AK3: variants seen among roughly 807,000 people sequenced by gnomAD.
AK3 encodes the protein adenylate kinase 3, also known as GTP:AMP phosphotransferase AK3, mitochondrial.
In AK3, 27 loss-of-function variants were observed where a neutral mutation model predicts 23.7. The ratio of observed to expected loss-of-function variants is 1.14; its 90% CI spans 0.84 to 1.57. AK3 has a LOEUF of 1.57. Ranked by LOEUF, AK3 falls within the 40% of genes most tolerant of loss-of-function variation. The pLI is 0.00. For synonymous variants in AK3, 159 were observed against 116.0 expected (o/e 1.37, Z -2.38); for missense variants, 406 against 285.6 (o/e 1.42, Z -3.04).
At chr9:4,740,804 G>T in intron 1 of AK3, 133 bp downstream of exon 1, 9 of 1,157,774 alleles carry the variant, frequency 7.8e-6, no homozygotes, top group Non-Finnish European at 9.1e-6. Flanking sequence ...GCAGCCCGAG[G>T]TCTCTGTCCC....
At chr9:4,722,226 C>A (rs895739134) in intron 2 of AK3, among the ~76,000 whole-genome samples, 3 of 152,182 alleles carry the variant, frequency 2.0e-5, no homozygotes, top group African/African-American at 7.2e-5. Context: ...GGTCTTGCTT[C>A]TTCTGTGGTG....
At chr9:4,722,684 C>A in intron 1 of AK3, 59 bp from the exon 2 acceptor site, 1 of 1,607,764 alleles carries the variant, frequency 6.2e-7, no homozygotes, top group Non-Finnish European at 8.5e-7. Context: ...ATTCCAGGCA[C>A]CTCGGAACGA....
chr9:4,719,016 G>C, intron 3 of AK3, 119 bp downstream of exon 3: 1 of 1,176,834 alleles, frequency 8.5e-7, no homozygotes, highest in Non-Finnish European at 1.2e-6. Context: ...CAAGTAACCT[G>C]AGAATATACC....
intron 4 of AK3, 90 bp downstream of exon 4, chr9:4,718,328 CA>C: frequency 1.1e-6 from 1 of 930,882 alleles, no homozygotes; most frequent in Admixed American, 1.8e-5. Flanking sequence ...GGTCTTTTGG[CA>C]TTTTAGCATT....
intron 2 of AK3, 74 bp downstream of exon 2, chr9:4,722,432 G>A: frequency 6.2e-7 from 1 of 1,603,278 alleles, no homozygotes; most frequent in Non-Finnish European, 8.5e-7. Flanking sequence ...TCTGTCTGAA[G>A]CCCATGAAAT....
intron 1 of AK3, among the ~76,000 whole-genome samples, chr9:4,723,222 T>C (rs78364479): frequency 0.063 from 9,537 of 152,296 alleles, 949 homozygotes; most frequent in African/African-American, 0.22. Flanking sequence ...GTGATAGAAT[T>C]GAGTGGTTTT....
chr9:4,723,843 A>C (rs1266303923), intron 1 of AK3, among the ~76,000 whole-genome samples: 1 of 152,142 alleles, frequency 6.6e-6, no homozygotes, highest in Non-Finnish European at 1.5e-5. Flanking sequence ...TTTTGCTTTT[A>C]TTTTACTCCT....
Position 4,711,358 on chromosome 9 carries a change from A to C in AK3, c.*1618T>G, listed in dbSNP as rs1353155510. The C allele has an allele frequency of 7.4e-6, 1 of 135,076 alleles. No homozygotes were observed. The highest frequency in any genetic ancestry group is 1.7e-5 in the Non-Finnish European group (1 of 60,186). 8.4% of individuals were successfully genotyped at this position (135,076 alleles called of 1,614,324 possible). A position where few individuals can be genotyped will look rare whatever the true frequency, so the allele number is the denominator to read the frequency against. ...ATAATCCATAAGTTTGGTATTTCAC[A>C]ACATTTTTTAGAAAGCACATAAGAT... On this transcript the variant is annotated 3_prime_UTR_variant, in exon 5 of 5. Transcript: ENST00000381809.
chr9:4,725,356 C>T lies in AK3; in HGVS notation c.152-2731G>A, dbSNP rs938680331. On this transcript the variant is annotated intron_variant, in intron 1 of 4. Transcript: ENST00000381809. Reference sequence around the variant, plus strand: ...AGAAAACACAGGTATAAATCTTCATCACTATGCATTAGGCAATGGTTTCTA... The same window carrying T: ...AGAAAACACAGGTATAAATCTTCATTACTATGCATTAGGCAATGGTTTCTA... 3.9e-5 allele frequency among the ~76,000 whole-genome samples: 6 copies of T among 151,964 alleles called. No individual in the cohort carries two copies. The South Asian group carries it at 6.2e-4, about 16-fold the overall frequency.
chr9:4,717,039 C>G (rs575969846), intron 4 of AK3, among the ~76,000 whole-genome samples: 14 of 152,340 alleles, frequency 9.2e-5, no homozygotes, highest in African/African-American at 3.4e-4. Context: ...ATAGTGCTTT[C>G]TATGCGTCAG....
At chr9:4,718,335 G>T in intron 4 of AK3, 84 bp downstream of exon 4, 1 of 987,060 alleles carries the variant, frequency 1.0e-6, no homozygotes, top group Non-Finnish European at 1.6e-6. Flanking sequence ...TGGCATTTTA[G>T]CATTTCAGCT....
rs1449119747 is a variant in AK3 at position 4,722,510 on chromosome 9, C to T, written c.267G>A (p.Leu89=). The change falls in exon 2 of 5, where the codon TTG becomes TTA. Residue 89 remains leucine, a synonymous_variant. Transcript: ENST00000381809. ...TGCTCATGAGACTCCACTTACCATC[C>T]AACAGCCAGCTATACTGGGTGAGAT... ...LKNLTQYSWL[L]DGFPRTLPQA... is the part of the protein sequence containing the mutation. 3 of 1,613,980 alleles carry T rather than the reference C, an allele frequency of 1.9e-6. No individual in the cohort carries two copies. The highest frequency in any genetic ancestry group is 2.7e-5 in the African/African-American group (2 of 74,908).
At chr9:4,734,158 A>C (rs1313197529) in intron 1 of AK3, among the ~76,000 whole-genome samples, 1 of 152,176 alleles carries the variant, frequency 6.6e-6, no homozygotes, top group Non-Finnish European at 1.5e-5. Flanking sequence ...GTGTCTTTAT[A>C]AGAGGAGGAG....
At chr9:4,718,341 C>A in intron 4 of AK3, 78 bp downstream of exon 4, 1 of 1,052,782 alleles carries the variant, frequency 9.5e-7, no homozygotes, top group South Asian at 1.3e-5. Context: ...TTTAGCATTT[C>A]AGCTGTAGAG....
Position 4,711,277 on chromosome 9 carries a change from G to C in AK3, c.*1699C>G, listed in dbSNP as rs1841554803. ...GACCAAGAACAAAGTAATAGCCACAGTTATGAAATTTCATTTTATTCTGAT... is the reference window on the plus strand; with the variant it reads ...GACCAAGAACAAAGTAATAGCCACACTTATGAAATTTCATTTTATTCTGAT... On this transcript the variant is annotated 3_prime_UTR_variant, in exon 5 of 5. Coordinates refer to ENST00000381809, the MANE Select transcript of AK3 (RefSeq NM_016282.4). The C allele has an allele frequency of 6.6e-6, 1 of 152,636 alleles. No homozygotes were observed. 9.5% of individuals were successfully genotyped at this position (152,636 alleles called of 1,614,324 possible).
chr9:4,717,577 C>A (rs1461512511), intron 4 of AK3, among the ~76,000 whole-genome samples: 2 of 152,164 alleles, frequency 1.3e-5, no homozygotes, highest in Non-Finnish European at 2.9e-5. Flanking sequence ...CCCCAGCTTA[C>A]AATTATTCAA....
chr9:4,716,595 TG>T lies in AK3; in HGVS notation c.563+1823del, dbSNP rs1385698179. Among the ~76,000 whole-genome samples, 9 of 152,286 alleles carry T rather than the reference TG, an allele frequency of 5.9e-5. No individual in the cohort carries two copies. The East Asian group carries it at 1.7e-3, about 29-fold the overall frequency. Reference sequence around the variant, plus strand: ...TTATAGTAACAGCTACTACAAAAAATGGTTTGCCAACCTTGTAATTTTATGC... The same window carrying T: ...TTATAGTAACAGCTACTACAAAAAATGTTTGCCAACCTTGTAATTTTATGC... On this transcript the variant is annotated intron_variant, in intron 4 of 4. Transcript: ENST00000381809.
rs969671955 is a variant in AK3 at position 4,741,163 on chromosome 9, T to G, written c.-76A>C. 3.0e-6 allele frequency: 4 copies of G among 1,312,730 alleles called. No homozygotes were observed. Among genetic ancestry groups the G allele is most frequent in the Non-Finnish European group, 2.9e-6 (3 of 1,025,346 alleles). The allele number at this position is 1,312,730 out of a possible 1,614,324, so 81.3% of individuals were successfully genotyped here. On this transcript the variant is annotated 5_prime_UTR_variant, in exon 1 of 5. Transcript: ENST00000381809. ...CTGCGCGCTCACCCGCTCGGCAGCC[T>G]GCGCCGGCCGGCTAGCAGCGCCACT...
At chr9:4,722,711 G>C (rs1841933198) in intron 1 of AK3, 86 bp from the exon 2 acceptor site, 1 of 1,559,494 alleles carries the variant, frequency 6.4e-7, no homozygotes, top group Non-Finnish European at 8.8e-7. Context: ...TAAAGGGGAA[G>C]TCTGAATGGC....
Sources: allele counts gnomAD v4.1 joint callset (sites outside exome capture counted in the v4.1 genomes callset), GRCh38; gene constraint gnomAD v4.1.1; transcripts MANE v1.5; gene names NCBI Gene and HGNC (gene_info 2026-07-23, HGNC 2026-07-21).